The following PRKCZ variants were observed in gnomAD, a reference collection of about 807,000 sequenced individuals.
The protein encoded by PRKCZ is protein kinase C zeta.
Under a neutral mutation model 79.5 loss-of-function variants are expected in PRKCZ, and 33 were observed. That is an observed-to-expected ratio of 0.41 (90% CI 0.31 to 0.55). PRKCZ has a LOEUF of 0.55. Among genes scored for constraint, PRKCZ ranks in the 20% least tolerant of loss-of-function variants. The pLI is 0.19. For synonymous variants in PRKCZ, 342 were observed against 320.9 expected (o/e 1.07, Z -0.70); for missense variants, 578 against 813.5 (o/e 0.71, Z 3.52).
chr1:2,178,675 G>A lies in PRKCZ; in HGVS notation c.1575+3362G>A, dbSNP rs1015556521. Among the ~76,000 whole-genome samples the A allele has an allele frequency of 3.3e-5, 5 of 152,178 alleles. No homozygotes were observed. In the South Asian group the frequency reaches 1.0e-3, roughly 31 times the overall value. ...AGCGGCTGCTTTCTGGTCCCTTTGG[G>A]GGCCCCCTCAGTCTGTGCTGGACTT... On this transcript the variant is annotated intron_variant, in intron 16 of 17. Transcript: ENST00000378567. This position sits in a 1 kb window ranked among gnomAD's most constrained non-coding sequence, Gnocchi z 4.3.
rs1557735077 is a variant in PRKCZ at position 2,172,195 on chromosome 1, G to A, written c.1197+5G>A. The A allele has an allele frequency of 5.6e-6, 9 of 1,613,212 alleles. No individual in the cohort carries two copies. Among genetic ancestry groups the A allele is most frequent in the Admixed American group, 3.3e-5 (2 of 59,990 alleles). On this transcript the variant is annotated splice_donor_5th_base_variant and intron_variant, in intron 12 of 17. Coordinates refer to ENST00000378567, the MANE Select transcript of PRKCZ (RefSeq NM_002744.6). This position sits in a 1 kb window ranked among gnomAD's most constrained non-coding sequence, Gnocchi z 7.8. Reference sequence around the variant, plus strand: ...ACAGACTACGGCATGTGCAAGGTGCGTGCCTTGGACCGCCTCCCCTGACCA... The same window carrying A: ...ACAGACTACGGCATGTGCAAGGTGCATGCCTTGGACCGCCTCCCCTGACCA...
At chr1:2,072,501 A>C (rs984021840) in intron 4 of PRKCZ, among the ~76,000 whole-genome samples, 3 of 152,114 alleles carry the variant, frequency 2.0e-5, no homozygotes, top group African/African-American at 7.2e-5. Context: ...TGTGGTTTCC[A>C]TGGGAAAGGT....
At chr1:2,116,681 C>T (rs1438295994) in intron 4 of PRKCZ, among the ~76,000 whole-genome samples, 5 of 152,120 alleles carry the variant, frequency 3.3e-5, no homozygotes, top group Non-Finnish European at 7.3e-5. Context: ...ATTTCTTCTG[C>T]TTTATAATCA....
At chr1:2,106,815 T>TCCA (rs1668619682) in intron 4 of PRKCZ, among the ~76,000 whole-genome samples, 1 of 117,576 alleles carries the variant, frequency 8.5e-6, no homozygotes, top group African/African-American at 3.1e-5. Flanking sequence ...AGCAGGCCCC[T>TCCA]CTGGTGGGCG....
At chr1:2,059,621 C>T (rs910771781) in intron 4 of PRKCZ, 30 bp downstream of exon 4, 17 of 1,612,796 alleles carry the variant, frequency 1.1e-5, no homozygotes, top group East Asian at 4.5e-5. Context: ...ACGCCGGTCT[C>T]GCATGTTACG....
chr1:2,173,969 T>A lies in PRKCZ; in HGVS notation c.1358T>A (p.Ile453Asn). The change falls in exon 14 of 18, where the codon ATC becomes AAC. Residue 453 changes from isoleucine to asparagine, a missense_variant. Ile to Asn is a moderately radical substitution (Grantham distance 149, BLOSUM62 -3). Coordinates refer to ENST00000378567, the MANE Select transcript of PRKCZ (RefSeq NM_002744.6). This position sits in a 1 kb window ranked among gnomAD's most constrained non-coding sequence, Gnocchi z 5.7. ...EMMAGRSPFD[I>N]ITDNPDMNTE... ...ATGGCCGGGCGCTCCCCGTTCGACA[T>A]CATCACCGACAACCCGGACATGAAC... is the stretch of plus-strand genomic sequence containing the variant. 1.2e-6 allele frequency: 2 copies of A among 1,612,732 alleles called. No individual in the cohort carries two copies. Among genetic ancestry groups the A allele is most frequent in the Non-Finnish European group, 1.7e-6 (2 of 1,179,458 alleles).
In PRKCZ at chr1:2,050,912, G is replaced by C. The variant is rs574234690; in HGVS notation, c.71+211G>C. 3.5e-3 allele frequency: 1,306 copies of C among 377,090 alleles called. 4 individuals are homozygous for C. The highest frequency in any genetic ancestry group is 5.0e-3 in the Non-Finnish European group (1,058 of 213,636). 23.4% of individuals were successfully genotyped at this position (377,090 alleles called of 1,614,324 possible). A position where few individuals can be genotyped will look rare whatever the true frequency, so the allele number is the denominator to read the frequency against. On this transcript the variant is annotated intron_variant, in intron 1 of 17. Coordinates refer to ENST00000378567, the MANE Select transcript of PRKCZ (RefSeq NM_002744.6). ...GCGCGGGCTCCTTCCCCGGGACCGGGTTTCCCTGGGGTCGGCCCCGCGCCG... is the reference window on the plus strand; with the variant it reads ...GCGCGGGCTCCTTCCCCGGGACCGGCTTTCCCTGGGGTCGGCCCCGCGCCG...
At position 2,114,990 on chromosome 1, in the gene PRKCZ, C is replaced by G. The variant is rs80024212; in HGVS notation, c.335-20272C>G. Among the ~76,000 whole-genome samples the G allele has an allele frequency of 3.3e-4, 51 of 152,390 alleles. 1 individual carries two copies. The East Asian group carries it at 9.6e-3, about 29-fold the overall frequency. ...ACGAGTTTTTACAAAGCAAACTGCA[C>G]CGCGTCACATAGCTGATCCGTGTGT... On this transcript the variant is annotated intron_variant, in intron 4 of 17. Coordinates refer to ENST00000378567, the MANE Select transcript of PRKCZ (RefSeq NM_002744.6).
At chr1:2,175,199 T>C (rs374839826) in intron 15 of PRKCZ, 25 bp from the exon 16 acceptor site, 5 of 1,604,534 alleles carry the variant, frequency 3.1e-6, no homozygotes, top group Non-Finnish European at 4.3e-6. Context: ...GGCTGACTTG[T>C]CCTTGTTTGA....
chr1:2,085,993 G>A (rs954318550), intron 4 of PRKCZ, among the ~76,000 whole-genome samples: 9 of 151,792 alleles, frequency 5.9e-5, no homozygotes, highest in Admixed American at 1.3e-4. Context: ...CCTCCCTGTT[G>A]AAAGGAATCT....
At chr1:2,099,681 C>CG (rs1037959131) in intron 4 of PRKCZ, among the ~76,000 whole-genome samples, 15 of 152,108 alleles carry the variant, frequency 9.9e-5, no homozygotes, top group African/African-American at 3.6e-4. Flanking sequence ...GCTCACTGGA[C>CG]GGGGCAGCGT....
chr1:2,073,080 G>A (rs1464798485), intron 4 of PRKCZ, among the ~76,000 whole-genome samples: 2 of 152,110 alleles, frequency 1.3e-5, no homozygotes, highest in Non-Finnish European at 2.9e-5. Context: ...TGGCGGCTCT[G>A]GGTCTCCCTA....
chr1:2,096,563 T>A (rs1344289157), intron 4 of PRKCZ, among the ~76,000 whole-genome samples: 3 of 152,258 alleles, frequency 2.0e-5, no homozygotes, highest in Non-Finnish European at 4.4e-5. Context: ...GCAGTGCAGA[T>A]GCTGTTGGCC....
At chr1:2,081,445 C>T (rs748566079) in intron 4 of PRKCZ, among the ~76,000 whole-genome samples, 5 of 152,234 alleles carry the variant, frequency 3.3e-5, no homozygotes, top group Admixed American at 6.5e-5. Context: ...AGGTGGGTCT[C>T]GGGCGAGTCT....
intron 10 of PRKCZ, among the ~76,000 whole-genome samples, chr1:2,167,963 C>A (rs981661188): frequency 2.6e-5 from 4 of 152,168 alleles, no homozygotes; most frequent in African/African-American, 7.2e-5. Flanking sequence ...ACTCTTAGGT[C>A]GTGGGTGTCC....
chr1:2,135,887 G>T (rs1023479968), intron 5 of PRKCZ, among the ~76,000 whole-genome samples: 2 of 152,152 alleles, frequency 1.3e-5, no homozygotes, highest in Middle Eastern at 6.3e-3. Flanking sequence ...CCTATGAAAT[G>T]GGTGATTCAG....
chr1:2,146,353 A>G (rs1444997113), intron 7 of PRKCZ, among the ~76,000 whole-genome samples: 1 of 152,164 alleles, frequency 6.6e-6, no homozygotes, highest in African/African-American at 2.4e-5. Flanking sequence ...GCCTCCGTGA[A>G]GTGCTGTTGT....
chr1:2,144,442 A>C (rs1244428009), intron 6 of PRKCZ, 101 bp downstream of exon 6: 1 of 1,497,354 alleles, frequency 6.7e-7, no homozygotes, highest in Non-Finnish European at 8.9e-7. Flanking sequence ...GGGTTCTTCA[A>C]GAGGGGCCGT....
At chr1:2,085,703 C>CG (rs36156471) in intron 4 of PRKCZ, among the ~76,000 whole-genome samples, 6 of 116,862 alleles carry the variant, frequency 5.1e-5, no homozygotes, top group African/African-American at 2.0e-4. Context: ...CTGAGGACGT[C>CG]GGGGGGCCCT....
Sources: allele counts gnomAD v4.1 joint callset (sites outside exome capture counted in the v4.1 genomes callset), GRCh38; gene constraint gnomAD v4.1.1; non-coding constraint Gnocchi (gnomAD v3.1); transcripts MANE v1.5; gene names NCBI Gene and HGNC (gene_info 2026-07-23, HGNC 2026-07-21).